COX10: variants seen among roughly 807,000 people sequenced by gnomAD.
The protein encoded by COX10 is protoheme IX farnesyltransferase, mitochondrial.
COX10 carries 27 observed loss-of-function variants against 37.3 expected under a neutral mutation model. The ratio of observed to expected loss-of-function variants is 0.72; its 90% CI spans 0.53 to 1.00. The LOEUF (loss-of-function observed/expected upper bound fraction) is 1.00, where lower values mean the gene tolerates loss of function less well. Among genes scored for constraint, COX10 ranks in the 50% least tolerant of loss-of-function variants. The probability of loss-of-function intolerance (pLI) is 0.00; values close to 1 mark genes in which losing one functional copy is unlikely to be tolerated. For missense variants in COX10, 475 were observed against 563.2 expected, an observed-to-expected ratio of 0.84 and a Z score of 1.59; for synonymous variants, 222 against 229.1, an observed-to-expected ratio of 0.97 and a Z score of 0.28.
intron 4 of COX10, among the ~76,000 whole-genome samples, chr17:14,151,377 C>A (rs1006863779): frequency 5.3e-5 from 8 of 152,140 alleles, no homozygotes; most frequent in Non-Finnish European, 7.3e-5. Flanking sequence ...TTTAAGCATT[C>A]ATGGGAGTCA....
chr17:14,099,512 C>A (rs1339376960), intron 3 of COX10, among the ~76,000 whole-genome samples: 6 of 152,028 alleles, frequency 3.9e-5, no homozygotes, highest in Non-Finnish European at 2.9e-5. Context: ...GCATGTACCT[C>A]CTGATGCCAA....
chr17:14,155,050 T>C (rs1393538281), intron 4 of COX10, among the ~76,000 whole-genome samples: 3 of 152,170 alleles, frequency 2.0e-5, no homozygotes, highest in Non-Finnish European at 4.4e-5. Flanking sequence ...GAGCAAGTAA[T>C]TTGATGATGT....
At chr17:14,080,509 G>A (rs199901663) in intron 3 of COX10, among the ~76,000 whole-genome samples, 16 of 152,050 alleles carry the variant, frequency 1.1e-4, no homozygotes, top group Non-Finnish European at 2.1e-4. Flanking sequence ...CACCGCACCC[G>A]GCCAGCATTT....
At chr17:14,103,136 C>T (rs1426814053) in intron 4 of COX10, among the ~76,000 whole-genome samples, 2 of 151,888 alleles carry the variant, frequency 1.3e-5, no homozygotes, top group African/African-American at 4.8e-5. Context: ...GATGTCAAAA[C>T]AATCTTATAG....
intron 4 of COX10, among the ~76,000 whole-genome samples, chr17:14,109,522 T>G (rs1400174851): frequency 2.0e-5 from 3 of 152,210 alleles, no homozygotes; most frequent in Admixed American, 2.0e-4. Flanking sequence ...TATTCGCTTC[T>G]TAATGATGAC....
chr17:14,191,965 C>T (rs767406377), intron 5 of COX10, 24 bp from the exon 6 acceptor site: 4 of 1,612,278 alleles, frequency 2.5e-6, no homozygotes, highest in South Asian at 1.1e-5. Context: ...GATGATCACT[C>T]CAGGTTCTCT....
intron 3 of COX10, among the ~76,000 whole-genome samples, chr17:14,098,699 G>T (rs1915705512): frequency 6.6e-6 from 1 of 152,122 alleles, no homozygotes; most frequent in African/African-American, 2.4e-5. Context: ...TGGCACAAGG[G>T]TAAAATATAC....
rs1906773021 is a variant in COX10 at position 14,208,368 on chromosome 17, G to C, written c.*1155G>C. 6.6e-6 allele frequency: 1 copy of C among 152,196 alleles called. No homozygotes were observed. Among genetic ancestry groups the C allele is most frequent in the Non-Finnish European group, 1.5e-5 (1 of 68,034 alleles). 9.4% of individuals were successfully genotyped at this position (152,196 alleles called of 1,614,324 possible). On this transcript the variant is annotated 3_prime_UTR_variant, in exon 7 of 7. Coordinates refer to ENST00000261643, the MANE Select transcript of COX10 (RefSeq NM_001303.4). ...CATCTGCCCAAAGGTCTTGAAGCTT[G>C]ACAGGATGTTTTCATTACTCAGTCT...
chr17:14,095,799 A>G (rs1227128523), intron 3 of COX10, among the ~76,000 whole-genome samples: 1 of 152,184 alleles, frequency 6.6e-6, no homozygotes, highest in Non-Finnish European at 1.5e-5. Context: ...TCTAGCTGCC[A>G]GCATGGCTTG....
chr17:14,085,390 C>G (rs1915387594), intron 3 of COX10, among the ~76,000 whole-genome samples: 1 of 151,934 alleles, frequency 6.6e-6, no homozygotes, highest in Non-Finnish European at 1.5e-5. Flanking sequence ...TTAAATCTAC[C>G]TTCTTTTTTT....
intron 5 of COX10, among the ~76,000 whole-genome samples, chr17:14,181,314 A>C (rs1905851936): frequency 6.6e-6 from 1 of 151,912 alleles, no homozygotes; most frequent in African/African-American, 2.4e-5. Flanking sequence ...CTGAAGAAGC[A>C]TTTTTTGTTT....
At chr17:14,151,716 G>A (rs141975512) in intron 4 of COX10, among the ~76,000 whole-genome samples, 136 of 152,240 alleles carry the variant, frequency 8.9e-4, no homozygotes, top group African/African-American at 2.9e-3. Context: ...ATCAAGTCAT[G>A]AGGAAAGATT....
chr17:14,071,718 T>C (rs1046063524), intron 1 of COX10, among the ~76,000 whole-genome samples: 7 of 100,714 alleles, frequency 7.0e-5, no homozygotes, highest in African/African-American at 2.8e-4. Flanking sequence ...ATGCCTTCTC[T>C]ACTAAAAATA....
chr17:14,178,768 C>T (rs1434304267), intron 5 of COX10, among the ~76,000 whole-genome samples: 1 of 152,130 alleles, frequency 6.6e-6, no homozygotes, highest in Non-Finnish European at 1.5e-5. Context: ...TCAGCCTTAG[C>T]CCCTAGGTCC....
intron 6 of COX10, among the ~76,000 whole-genome samples, chr17:14,198,712 C>A (rs930558475): frequency 6.6e-6 from 1 of 152,166 alleles, no homozygotes; most frequent in African/African-American, 2.4e-5. Context: ...ACTTTATTTA[C>A]CTCCCTTATT....
intron 3 of COX10, among the ~76,000 whole-genome samples, chr17:14,099,914 T>C (rs1337315845): frequency 6.6e-6 from 1 of 152,160 alleles, no homozygotes; most frequent in Non-Finnish European, 1.5e-5. Flanking sequence ...ATGTCCTTAC[T>C]TCTGTTAATG....
intron 4 of COX10, among the ~76,000 whole-genome samples, chr17:14,124,560 A>G (rs926602819): frequency 1.3e-5 from 2 of 152,130 alleles, no homozygotes; most frequent in Non-Finnish European, 2.9e-5. Flanking sequence ...CATGTTGCAC[A>G]TGTAATTTGT....
rs184396814 is a variant in COX10, at chr17:14,101,100, G to T, written c.500-1018G>T. Among the ~76,000 whole-genome samples, 172 of 152,296 alleles carry T rather than the reference G, an allele frequency of 1.1e-3. 1 individual carries two copies. Among genetic ancestry groups the T allele is most frequent in the African/African-American group, 3.9e-3 (164 of 41,578 alleles). ...GGCAGTGTGATGGGTTTGAAACATA[G>T]TGTAGAGATAGAACAGACACTACTT... On this transcript the variant is annotated intron_variant, in intron 3 of 6. Coordinates refer to ENST00000261643, the MANE Select transcript of COX10 (RefSeq NM_001303.4).
intron 3 of COX10, among the ~76,000 whole-genome samples, chr17:14,081,876 T>C (rs1202091341): frequency 2.0e-5 from 3 of 152,056 alleles, no homozygotes; most frequent in African/African-American, 7.2e-5. Flanking sequence ...AGATGAATGG[T>C]GGTGTTGAGA....
Sources: gnomAD v4.1 joint callset for allele counts (sites outside exome capture counted in the v4.1 genomes callset) on GRCh38, gnomAD v4.1.1 for gene constraint, MANE v1.5 for transcripts, NCBI Gene and HGNC (gene_info 2026-07-23, HGNC 2026-07-21) for gene names.